The following CPA6 variants were observed in gnomAD, a reference collection of about 807,000 sequenced individuals.
The protein encoded by CPA6 is carboxypeptidase A6, also known as carboxypeptidase B.
Under a neutral mutation model 63.3 loss-of-function variants are expected in CPA6, and 58 were observed. The ratio of observed to expected loss-of-function variants is 0.92; its 90% CI spans 0.74 to 1.14. The LOEUF (loss-of-function observed/expected upper bound fraction) is 1.14. Among genes scored for constraint, CPA6 ranks in the 50% most tolerant of loss-of-function variants. The pLI, the probability that CPA6 is intolerant of heterozygous loss-of-function variation, is 0.00. For missense variants in CPA6, 565 were observed against 526.6 expected, an observed-to-expected ratio of 1.07 and a Z score of -0.71; for synonymous variants, 185 against 179.0, an observed-to-expected ratio of 1.03 and a Z score of -0.27.
chr8:67,721,156 C>A (rs1817490792), intron 1 of CPA6, among the ~76,000 whole-genome samples: 1 of 152,212 alleles, frequency 6.6e-6, no homozygotes, highest in African/African-American at 2.4e-5. Context: ...CTTTTATAAG[C>A]CCAAGAGCTT....
intron 2 of CPA6, among the ~76,000 whole-genome samples, chr8:67,585,429 G>A (rs1214129515): frequency 6.6e-6 from 1 of 152,038 alleles, no homozygotes; most frequent in Non-Finnish European, 1.5e-5. Context: ...CAGTGTTTTT[G>A]GTTCTTAAGA....
Position 67,526,146 on chromosome 8 carries a change from CT to C in CPA6, c.193-8100del, listed in dbSNP as rs1437163932. ...CGACTTATTATGGAATTTGGATTTG[CT>C]TTAGGACATTTGTGGAGGGTTTAAG... On this transcript the variant is annotated intron_variant, in intron 2 of 10. Transcript: ENST00000297770. Among the ~76,000 whole-genome samples, 4 of 152,278 alleles carry C rather than the reference CT, an allele frequency of 2.6e-5. No homozygotes were observed. The East Asian group carries it at 7.7e-4, about 29-fold the overall frequency.
At chr8:67,475,761 T>TTC (rs1383505983) in intron 8 of CPA6, among the ~76,000 whole-genome samples, 34 of 125,294 alleles carry the variant, frequency 2.7e-4, no homozygotes, top group African/African-American at 5.8e-4. Flanking sequence ...CTTTTTTTCT[T>TTC]TCTTTCTCTT....
intron 2 of CPA6, among the ~76,000 whole-genome samples, chr8:67,537,301 T>A (rs1297949943): frequency 6.6e-6 from 1 of 152,168 alleles, no homozygotes; most frequent in Non-Finnish European, 1.5e-5. Context: ...TCTGGTAGAA[T>A]TTGGGGTGAA....
chr8:67,504,569 A>G (rs1443271204), intron 6 of CPA6, among the ~76,000 whole-genome samples: 1 of 152,116 alleles, frequency 6.6e-6, no homozygotes, highest in Non-Finnish European at 1.5e-5. Context: ...CAAGGAGTTG[A>G]TATCTCTGGC....
intron 2 of CPA6, among the ~76,000 whole-genome samples, chr8:67,575,215 T>C (rs1813592504): frequency 6.6e-6 from 1 of 152,176 alleles, no homozygotes; most frequent in Non-Finnish European, 1.5e-5. Context: ...GGATGGCTAT[T>C]ACCAAAAAGA....
intron 8 of CPA6, 92 bp downstream of exon 8, chr8:67,483,676 G>A (rs769091861): frequency 1.4e-5 from 14 of 991,566 alleles, no homozygotes; most frequent in South Asian, 6.4e-5. Context: ...AGAAAAACAT[G>A]AGTCTCCCAT....
chr8:67,650,404 C>T (rs1048728541), intron 1 of CPA6, among the ~76,000 whole-genome samples: 1 of 152,142 alleles, frequency 6.6e-6, no homozygotes, highest in Non-Finnish European at 1.5e-5. Context: ...TTCATCTGTT[C>T]ATTTAAGCAG....
intron 1 of CPA6, among the ~76,000 whole-genome samples, chr8:67,693,685 C>A (rs1047678959): frequency 2.6e-5 from 4 of 152,228 alleles, no homozygotes; most frequent in Non-Finnish European, 5.9e-5. Flanking sequence ...CACCTATGAA[C>A]AAGGAGGTGG....
chr8:67,686,941 TA>T (rs1312794671), intron 1 of CPA6, among the ~76,000 whole-genome samples: 3 of 152,162 alleles, frequency 2.0e-5, no homozygotes, highest in Non-Finnish European at 4.4e-5. Flanking sequence ...GAAATTCAAT[TA>T]AACTAAATTC....
intron 1 of CPA6, among the ~76,000 whole-genome samples, chr8:67,701,044 T>C (rs373269413): frequency 2.5e-4 from 38 of 152,294 alleles, no homozygotes; most frequent in African/African-American, 9.1e-4. Flanking sequence ...TACAATCGTT[T>C]CCTCACTTAG....
At chr8:67,500,911 C>T (rs12114345) in intron 6 of CPA6, among the ~76,000 whole-genome samples, 4,533 of 151,640 alleles carry the variant, frequency 0.03, 227 homozygotes, top group African/African-American at 0.1. Context: ...TATTCTGGTC[C>T]ATTTATCTAT....
rs1817845554 is a variant in CPA6 at position 67,737,960 on chromosome 8, A to G, written c.116+8054T>C. Among the ~76,000 whole-genome samples the G allele has an allele frequency of 2.0e-5, 3 of 152,148 alleles. No homozygotes were observed. The South Asian group carries it at 6.2e-4, about 32-fold the overall frequency. ...ATATATTGTAAAAAGGGATTGGGCT[A>G]TGATATATTTTTTGTCCCTTCCGGT... On this transcript the variant is annotated intron_variant, in intron 1 of 10. Transcript: ENST00000297770.
At chr8:67,691,762 T>C (rs749196467) in intron 1 of CPA6, among the ~76,000 whole-genome samples, 22 of 152,118 alleles carry the variant, frequency 1.4e-4, no homozygotes, top group Non-Finnish European at 2.5e-4. Flanking sequence ...TTTGAAATGC[T>C]GAGTAGATTT....
intron 1 of CPA6, among the ~76,000 whole-genome samples, chr8:67,683,014 G>A (rs752132756): frequency 2.0e-5 from 3 of 152,222 alleles, no homozygotes; most frequent in Non-Finnish European, 4.4e-5. Context: ...TGCCTTGTAA[G>A]TTCTTGGACT....
At chr8:67,669,382 A>G (rs1484521041) in intron 1 of CPA6, among the ~76,000 whole-genome samples, 1 of 152,214 alleles carries the variant, frequency 6.6e-6, no homozygotes, top group Non-Finnish European at 1.5e-5. Flanking sequence ...GTAAGAGGTG[A>G]GTTTTAAAAG....
At chr8:67,548,251 TTTC>T (rs1812865465) in intron 2 of CPA6, among the ~76,000 whole-genome samples, 1 of 146,754 alleles carries the variant, frequency 6.8e-6, no homozygotes, top group Non-Finnish European at 1.5e-5. Flanking sequence ...TCTCTTTTCT[TTTC>T]TTTTTTTTTT....
chr8:67,726,001 G>A (rs1817589524), intron 1 of CPA6, among the ~76,000 whole-genome samples: 1 of 152,110 alleles, frequency 6.6e-6, no homozygotes, highest in African/African-American at 2.4e-5. Flanking sequence ...TGTCACTTAA[G>A]ATAGCTGCAA....
intron 3 of CPA6, among the ~76,000 whole-genome samples, chr8:67,515,195 G>A (rs567554159): frequency 6.6e-6 from 1 of 152,088 alleles, no homozygotes; most frequent in African/African-American, 2.4e-5. Flanking sequence ...TCACTTACAC[G>A]CATGCCTTTC....
Sources: gnomAD v4.1 joint callset for allele counts (sites outside exome capture counted in the v4.1 genomes callset) on GRCh38, gnomAD v4.1.1 for gene constraint, MANE v1.5 for transcripts, NCBI Gene and HGNC (gene_info 2026-07-23, HGNC 2026-07-21) for gene names.